PRR5L: variants seen among roughly 807,000 people sequenced by gnomAD.
PRR5L encodes proline rich 5 like.
In PRR5L, 21 loss-of-function variants were observed where a neutral mutation model predicts 36.4. The ratio of observed to expected loss-of-function variants is 0.58; its 90% confidence interval spans 0.41 to 0.83. The LOEUF (loss-of-function observed/expected upper bound fraction) is 0.83. Ranked by LOEUF, PRR5L falls within the 40% of genes least tolerant of loss-of-function variation. PRR5L has a pLI of 0.00. For missense variants in PRR5L, 381 were observed against 473.3 expected (o/e 0.80, Z 1.81); for synonymous variants, 188 against 197.0 (o/e 0.95, Z 0.38).
chr11:36,407,201 C>T (rs1045126052), intron 3 of PRR5L, among the ~76,000 whole-genome samples: 2 of 152,178 alleles, frequency 1.3e-5, no homozygotes, highest in Non-Finnish European at 2.9e-5. Context: ...TGTGTATAAC[C>T]CTCTCCAGGC....
chr11:36,411,358 T>TCTGTG (rs1472772056), intron 3 of PRR5L, among the ~76,000 whole-genome samples: 11 of 152,280 alleles, frequency 7.2e-5, no homozygotes, highest in African/African-American at 2.6e-4. Context: ...AGATCGCAGG[T>TCTGTG]CTGTGTAATA....
At chr11:36,407,615 C>A (rs1305863049) in intron 3 of PRR5L, among the ~76,000 whole-genome samples, 4 of 152,176 alleles carry the variant, frequency 2.6e-5, no homozygotes, top group Non-Finnish European at 5.9e-5. Flanking sequence ...TGGTAATAAA[C>A]TTTTTGATGG....
intron 1 of PRR5L, among the ~76,000 whole-genome samples, chr11:36,374,191 G>A (rs1385684206): frequency 6.6e-6 from 1 of 151,132 alleles, no homozygotes; most frequent in South Asian, 2.1e-4. Flanking sequence ...CACCTCCCAG[G>A]TTCAAGCAAT....
At chr11:36,409,455 G>A (rs1857980502) in intron 3 of PRR5L, among the ~76,000 whole-genome samples, 1 of 152,214 alleles carries the variant, frequency 6.6e-6, no homozygotes, top group South Asian at 2.1e-4. Flanking sequence ...TCCAAGAATT[G>A]TGTTTGATCT....
chr11:36,357,555 T>C (rs1857040834), intron 1 of PRR5L, among the ~76,000 whole-genome samples: 1 of 152,156 alleles, frequency 6.6e-6, no homozygotes, highest in African/African-American at 2.4e-5. Flanking sequence ...TCAGTCCTCA[T>C]TTACCTTTTT....
intron 1 of PRR5L, among the ~76,000 whole-genome samples, chr11:36,296,746 A>C (rs1439184154): frequency 6.6e-6 from 1 of 152,146 alleles, no homozygotes; most frequent in African/African-American, 2.4e-5. Context: ...GCTAGTACTA[A>C]GCTCTTTCTC....
chr11:36,365,108 C>G (rs1857130930), intron 1 of PRR5L, among the ~76,000 whole-genome samples: 1 of 152,192 alleles, frequency 6.6e-6, no homozygotes, highest in Non-Finnish European at 1.5e-5. Context: ...ATGCTGATTT[C>G]CTATCAAACG....
At chr11:36,304,057 G>A (rs548172773) in intron 1 of PRR5L, among the ~76,000 whole-genome samples, 8 of 152,312 alleles carry the variant, frequency 5.3e-5, no homozygotes, top group African/African-American at 1.9e-4. Context: ...CTGTGGCCCA[G>A]GAGGGTCCTC....
intron 3 of PRR5L, among the ~76,000 whole-genome samples, chr11:36,407,165 G>A (rs182141928): frequency 1.4e-5 from 2 of 144,746 alleles, no homozygotes; most frequent in Admixed American, 6.6e-5. Flanking sequence ...ACAGGCCAAC[G>A]TGATGAATTG....
At chr11:36,405,510 C>G (rs144158931) in intron 3 of PRR5L, among the ~76,000 whole-genome samples, 51 of 152,222 alleles carry the variant, frequency 3.4e-4, no homozygotes, top group Non-Finnish European at 5.4e-4. Flanking sequence ...ATGCTAGGTG[C>G]CTTTCTCCTC....
intron 1 of PRR5L, among the ~76,000 whole-genome samples, chr11:36,299,483 G>T (rs1051720744): frequency 3.3e-5 from 5 of 152,190 alleles, no homozygotes; most frequent in Admixed American, 6.5e-5. Flanking sequence ...AGGGAAACCA[G>T]TTTCGTGCCA....
intron 1 of PRR5L, among the ~76,000 whole-genome samples, chr11:36,358,183 C>T (rs7130152): frequency 0.75 from 113,859 of 152,170 alleles, 43,115 homozygotes; most frequent in East Asian, 0.96. Context: ...GATAAAGCAG[C>T]GGCAGGGTTT....
chr11:36,445,615 C>T (rs1858813053), intron 6 of PRR5L, among the ~76,000 whole-genome samples: 1 of 152,052 alleles, frequency 6.6e-6, no homozygotes, highest in Admixed American at 6.6e-5. Context: ...ATTAGAGTAA[C>T]TCTCTGGGTT....
At chr11:36,373,380 T>G (rs372883327) in intron 1 of PRR5L, among the ~76,000 whole-genome samples, 3 of 152,148 alleles carry the variant, frequency 2.0e-5, no homozygotes, top group Admixed American at 2.0e-4. Context: ...ACAAGCATCA[T>G]ATATTGGCAT....
At chr11:36,399,194 T>G (rs1392814086) in intron 1 of PRR5L, among the ~76,000 whole-genome samples, 2 of 152,224 alleles carry the variant, frequency 1.3e-5, no homozygotes, top group East Asian at 3.8e-4. Context: ...CAGCCTGTTA[T>G]GCTTCTTTTG....
chr11:36,331,356 T>C (rs1258714516), intron 1 of PRR5L, among the ~76,000 whole-genome samples: 1 of 152,200 alleles, frequency 6.6e-6, no homozygotes, highest in East Asian at 1.9e-4. Flanking sequence ...GAAGAATTCA[T>C]TTAGAATTGC....
intron 1 of PRR5L, among the ~76,000 whole-genome samples, chr11:36,351,400 T>C (rs1384882091): frequency 2.3e-5 from 2 of 86,244 alleles, no homozygotes; most frequent in African/African-American, 9.7e-5. Flanking sequence ...TATATATATT[T>C]ATAAATATAT....
In PRR5L at chr11:36,407,379, G is replaced by C. The variant is rs1162643839; in HGVS notation, c.245+4001G>C. On this transcript the variant is annotated intron_variant, in intron 3 of 8. Transcript: ENST00000530639. ...TGATGCATACTGCACTCCAGCCTGGGCAACAGAGCAAGATCCTGTCTCAGA... is the reference window on the plus strand; with the variant it reads ...TGATGCATACTGCACTCCAGCCTGGCCAACAGAGCAAGATCCTGTCTCAGA... Among the ~76,000 whole-genome samples, 3 of 152,278 alleles carry C rather than the reference G, an allele frequency of 2.0e-5. No individual in the cohort carries two copies. In the East Asian group the frequency reaches 5.8e-4, roughly 29 times the overall value.
At chr11:36,425,355 AG>A (rs1458770364) in intron 4 of PRR5L, 1 of 152,226 alleles carries the variant, frequency 6.6e-6, no homozygotes. Flanking sequence ...GACCCAGCCC[AG>A]GTCATCTGGC....
Sources: gnomAD v4.1 joint callset for allele counts (sites outside exome capture counted in the v4.1 genomes callset) on GRCh38, gnomAD v4.1.1 for gene constraint, MANE v1.5 for transcripts, NCBI Gene and HGNC (gene_info 2026-07-23, HGNC 2026-07-21) for gene names.